Variants in ADAMTS20 observed in about 807,000 individuals in gnomAD.
The protein encoded by ADAMTS20 is ADAM metallopeptidase with thrombospondin type 1 motif 20.
In ADAMTS20, 225 loss-of-function variants were observed where a neutral mutation model predicts 260.1. The ratio of observed to expected loss-of-function variants is 0.87; its 90% CI spans 0.78 to 0.97. ADAMTS20 has a LOEUF of 0.97. Among genes scored for constraint, ADAMTS20 ranks in the 50% least tolerant of loss-of-function variants. ADAMTS20 has a pLI of 0.00. For missense variants in ADAMTS20, 2,400 were observed against 2,337.7 expected (o/e 1.03, Z -0.55); for synonymous variants, 802 against 769.5 (o/e 1.04, Z -0.70).
In ADAMTS20 at chr12:43,428,453, A is replaced by C. The variant is rs1440377528; in HGVS notation, c.3733T>G (p.Tyr1245Asp). 1 of 1,613,948 alleles carries C rather than the reference A, an allele frequency of 6.2e-7. No homozygotes were observed. Among genetic ancestry groups the C allele is most frequent in the South Asian group, 1.1e-5 (1 of 91,090 alleles). ...MNYHQPIDEN[Y>D]CDPEVRPLME... Reference sequence around the variant, plus strand: ...AAAGGGCGAACTTCAGGATCACAGTAATTCTCATCAATTGGCTGATGGTAG... The same window carrying C: ...AAAGGGCGAACTTCAGGATCACAGTCATTCTCATCAATTGGCTGATGGTAG... The change falls in exon 26 of 39, where the codon TAC (tyrosine) becomes GAC (aspartate). Residue 1245 changes from tyrosine (Y) to aspartate (D), a missense_variant. Transcript: ENST00000389420.
At position 43,466,705 on chromosome 12, in the gene ADAMTS20, C is replaced by A. The variant is rs1030368287; in HGVS notation, c.1314G>T (p.Met438Ile). ...TACAGTTTGACCAGCTCCAAGGACT[C>A]ATGTGAAAACTTAAAGCAGGGGCCA... Reference protein sequence around the residue: ...HVMAPALSFHMSPWSWSNCSR... With the variant: ...HVMAPALSFHISPWSWSNCSR... Residue 438 changes from methionine to isoleucine, a missense_variant, in exon 9 of 39, where the codon ATG becomes ATT. Met to Ile is a conservative substitution (Grantham distance 10). Coordinates refer to ENST00000389420, the MANE Select transcript of ADAMTS20 (RefSeq NM_025003.5). 1.2e-6 allele frequency: 2 copies of A among 1,611,728 alleles called. No individual in the cohort carries two copies. The highest frequency in any genetic ancestry group is 1.3e-5 in the African/African-American group (1 of 74,952).
At chr12:43,457,782 A>G (rs1941990602) in intron 11 of ADAMTS20, among the ~76,000 whole-genome samples, 1 of 152,218 alleles carries the variant, frequency 6.6e-6, no homozygotes, top group Non-Finnish European at 1.5e-5. Context: ...TATCACTGAA[A>G]TAGCTAAGTA....
At chr12:43,491,425 A>G (rs1163642937) in intron 6 of ADAMTS20, among the ~76,000 whole-genome samples, 4 of 152,192 alleles carry the variant, frequency 2.6e-5, no homozygotes, top group Non-Finnish European at 5.9e-5. Flanking sequence ...CATGAACTAC[A>G]TGTTAGCTAT....
At chr12:43,391,916 G>A (rs1940604554) in intron 29 of ADAMTS20, among the ~76,000 whole-genome samples, 1 of 152,108 alleles carries the variant, frequency 6.6e-6, no homozygotes, top group Non-Finnish European at 1.5e-5. Context: ...TCTCTCTTGT[G>A]AGTATAAGCA....
At chr12:43,430,520 C>T (rs975181711) in intron 22 of ADAMTS20, 49 bp from the exon 23 acceptor site, 3 of 1,538,084 alleles carry the variant, frequency 2.0e-6, no homozygotes, top group Admixed American at 1.9e-5. Context: ...CCAAAAGTTA[C>T]ACAAACTTCT....
intron 38 of ADAMTS20, among the ~76,000 whole-genome samples, chr12:43,355,668 A>G (rs1939728053): frequency 6.6e-6 from 1 of 152,122 alleles, no homozygotes; most frequent in Non-Finnish European, 1.5e-5. Context: ...TTTATGTGTG[A>G]TATAGGTGAG....
At chr12:43,421,793 A>G (rs894824836) in intron 28 of ADAMTS20, among the ~76,000 whole-genome samples, 1 of 152,102 alleles carries the variant, frequency 6.6e-6, no homozygotes, top group Admixed American at 6.6e-5. Context: ...TTAGTTTCTA[A>G]CAAGAATATT....
At chr12:43,417,722 AT>A (rs1350162119) in intron 28 of ADAMTS20, among the ~76,000 whole-genome samples, 1 of 152,166 alleles carries the variant, frequency 6.6e-6, no homozygotes, top group Non-Finnish European at 1.5e-5. Context: ...CCAAAACATT[AT>A]TTTTTAGGAC....
At chr12:43,541,634 C>T (rs1009467537) in intron 2 of ADAMTS20, among the ~76,000 whole-genome samples, 1 of 152,030 alleles carries the variant, frequency 6.6e-6, no homozygotes, top group East Asian at 1.9e-4. Context: ...CCTTATAACA[C>T]CATTAATCAT....
chr12:43,405,227 T>TAA (rs1565683116), intron 28 of ADAMTS20, among the ~76,000 whole-genome samples: 4 of 11,542 alleles, frequency 3.5e-4, no homozygotes, highest in African/African-American at 9.4e-4. Context: ...ACCTCATCTC[T>TAA]ACAAAAAAAA....
In ADAMTS20 at chr12:43,431,405, C is replaced by T. The variant is rs368733725; in HGVS notation, c.3188G>A (p.Ser1063Asn). ...TGGACTCAGAGATTCAGGTTTGGTACTTGAATTACAGAAGCCATCACTCAA... is the reference window on the plus strand; with the variant it reads ...TGGACTCAGAGATTCAGGTTTGGTATTTGAATTACAGAAGCCATCACTCAA... Reference protein sequence around the residue: ...DHLSDGFCNSSTKPESLSPCE... With the variant: ...DHLSDGFCNSNTKPESLSPCE... The change falls in exon 22 of 39, where the codon AGT (serine) becomes AAT (asparagine). Residue 1063 changes from serine (S) to asparagine (N), a missense_variant. Transcript: ENST00000389420. The T allele has an allele frequency of 9.3e-6, 15 of 1,613,832 alleles. No homozygotes were observed. The highest frequency in any genetic ancestry group is 1.6e-4 in the Middle Eastern group (1 of 6,084).
At chr12:43,522,888 C>T (rs554829822) in intron 3 of ADAMTS20, among the ~76,000 whole-genome samples, 1 of 152,196 alleles carries the variant, frequency 6.6e-6, no homozygotes, top group East Asian at 1.9e-4. Context: ...ACACAGTGAA[C>T]TTTGACCTTG....
At chr12:43,459,596 T>C (rs1942024891) in intron 11 of ADAMTS20, among the ~76,000 whole-genome samples, 2 of 152,240 alleles carry the variant, frequency 1.3e-5, no homozygotes, top group African/African-American at 4.8e-5. Flanking sequence ...TTAACTCATG[T>C]ATCCTACAGC....
At chr12:43,504,953 G>C (rs1429970167) in intron 3 of ADAMTS20, among the ~76,000 whole-genome samples, 1 of 152,140 alleles carries the variant, frequency 6.6e-6, no homozygotes, top group Admixed American at 6.5e-5. Context: ...TGACATTGCA[G>C]TTCCACCCCT....
At chr12:43,403,317 T>TA (rs1940848808) in intron 28 of ADAMTS20, among the ~76,000 whole-genome samples, 1 of 152,102 alleles carries the variant, frequency 6.6e-6, no homozygotes, top group Non-Finnish European at 1.5e-5. Context: ...TCTGGAAACT[T>TA]AAATTATTAA....
chr12:43,375,633 TAAAC>T, intron 35 of ADAMTS20, 121 bp from the exon 36 acceptor site: 2 of 1,145,310 alleles, frequency 1.7e-6, no homozygotes, highest in Non-Finnish European at 2.5e-6. Flanking sequence ...GTCAACAAGT[TAAAC>T]AAGAAAGAAG....
chr12:43,482,299 G>A (rs997428639), intron 7 of ADAMTS20, among the ~76,000 whole-genome samples: 6 of 152,196 alleles, frequency 3.9e-5, no homozygotes, highest in Admixed American at 3.3e-4. Context: ...TTGTCACCAC[G>A]GGGGCAGGAG....
At chr12:43,532,474 G>A (rs1380748888) in intron 2 of ADAMTS20, among the ~76,000 whole-genome samples, 2 of 151,044 alleles carry the variant, frequency 1.3e-5, no homozygotes, top group Non-Finnish European at 3.0e-5. Context: ...CATCAAAATG[G>A]AAAAAGTGTT....
Position 43,383,969 on chromosome 12 carries a change from C to G in ADAMTS20, c.4461G>C (p.Val1487=). Residue 1487 remains valine, a synonymous_variant, in exon 30 of 39, where the codon GTG becomes GTC. Transcript: ENST00000389420. ...WKANSWNECS[V]TCGSGVQQRD... ...TCTGCTGAACTCCAGAGCCACAGGT[C>G]ACAGAGCACTACAAAGGAGTCCAGT... 6.2e-7 allele frequency: 1 copy of G among 1,613,454 alleles called. No homozygotes were observed. The highest frequency in any genetic ancestry group is 8.5e-7 in the Non-Finnish European group (1 of 1,179,642).
Sources: gnomAD v4.1 joint callset for allele counts (sites outside exome capture counted in the v4.1 genomes callset) on GRCh38, gnomAD v4.1.1 for gene constraint, MANE v1.5 for transcripts, NCBI Gene and HGNC (gene_info 2026-07-23, HGNC 2026-07-21) for gene names.